MAPK4: variants seen among roughly 807,000 people sequenced by gnomAD.
MAPK4 encodes mitogen-activated protein kinase 4, also known as Erk3-related.
MAPK4 carries 22 observed loss-of-function variants against 47.7 expected under a neutral mutation model. The observed-to-expected ratio is 0.46, with a 90% CI of 0.33 to 0.66. The LOEUF (loss-of-function observed/expected upper bound fraction) is 0.66, where lower values mean the gene tolerates loss of function less well. MAPK4 is among the 30% of genes least tolerant of loss of function. The pLI is 0.02. For missense variants in MAPK4, 736 were observed against 831.7 expected (o/e 0.88, Z 1.42); for synonymous variants, 390 against 365.7 (o/e 1.07, Z -0.76).
intron 2 of MAPK4, among the ~76,000 whole-genome samples, chr18:50,675,746 T>C (rs1463634446): frequency 6.6e-6 from 1 of 152,146 alleles, no homozygotes; most frequent in East Asian, 1.9e-4. Flanking sequence ...CGCCTCAGCC[T>C]CCCAAAGTGC....
chr18:50,707,464 G>T (rs940363259), intron 2 of MAPK4, among the ~76,000 whole-genome samples: 17 of 151,748 alleles, frequency 1.1e-4, no homozygotes, highest in African/African-American at 3.1e-4. Context: ...CAGTCACTCT[G>T]GGGGGTTAAA....
At chr18:50,593,017 C>T (rs1259470158) in intron 1 of MAPK4, among the ~76,000 whole-genome samples, 4 of 152,120 alleles carry the variant, frequency 2.6e-5, no homozygotes, top group Non-Finnish European at 5.9e-5. Flanking sequence ...CTAATTTTAT[C>T]CCTATTTTAC....
chr18:50,723,064 GTAGCAGATA>G (rs1230480045), intron 4 of MAPK4, among the ~76,000 whole-genome samples: 1 of 152,238 alleles, frequency 6.6e-6, no homozygotes, highest in Non-Finnish European at 1.5e-5. Context: ...AGCTTGTACA[GTAGCAGATA>G]ACCCTGAAAT....
At chr18:50,667,521 A>T (rs1421250167) in intron 2 of MAPK4, among the ~76,000 whole-genome samples, 1 of 152,154 alleles carries the variant, frequency 6.6e-6, no homozygotes, top group Non-Finnish European at 1.5e-5. Flanking sequence ...TGCTTGGAGG[A>T]TGCTGTCTAC....
intron 1 of MAPK4, among the ~76,000 whole-genome samples, chr18:50,599,452 G>C (rs934979844): frequency 6.6e-6 from 1 of 151,950 alleles, no homozygotes; most frequent in African/African-American, 2.4e-5. Flanking sequence ...ACGGAGTCCC[G>C]CTGTCGCCCA....
rs570066474 is a variant in MAPK4 at position 50,671,585 on chromosome 18, G to A, written c.546+7081G>A. ...TTGCGTGGGAGCTCTGGTCAGCGGG[G>A]TTTACATGGGTTTAATCATGCTGAG... On this transcript the variant is annotated intron_variant, in intron 2 of 5. Coordinates refer to ENST00000400384, the MANE Select transcript of MAPK4 (RefSeq NM_002747.4). Among the ~76,000 whole-genome samples the A allele has an allele frequency of 2.0e-4, 31 of 152,240 alleles. No individual in the cohort carries two copies. In the South Asian group the frequency reaches 6.2e-3, roughly 31 times the overall value.
intron 1 of MAPK4, among the ~76,000 whole-genome samples, chr18:50,621,446 G>A (rs1022859691): frequency 2.6e-5 from 4 of 152,180 alleles, no homozygotes; most frequent in Admixed American, 2.6e-4. Context: ...AATGGGACAC[G>A]ATCCTAATGG....
chr18:50,654,905 C>T (rs141831114), intron 1 of MAPK4, among the ~76,000 whole-genome samples: 51 of 152,314 alleles, frequency 3.3e-4, no homozygotes, highest in African/African-American at 1.0e-3. Flanking sequence ...TGGCTGGTTA[C>T]GTAATTTTCA....
intron 1 of MAPK4, among the ~76,000 whole-genome samples, chr18:50,644,498 T>A (rs1451636893): frequency 1.3e-5 from 2 of 152,146 alleles, no homozygotes; most frequent in Non-Finnish European, 2.9e-5. Flanking sequence ...CCTTACCTTA[T>A]CCTTTACCCA....
At chr18:50,595,711 A>G (rs1379975990) in intron 1 of MAPK4, among the ~76,000 whole-genome samples, 1 of 152,240 alleles carries the variant, frequency 6.6e-6, no homozygotes, top group Admixed American at 6.5e-5. Flanking sequence ...AAATGGTAAC[A>G]TGTGAAATAG....
chr18:50,696,283 T>C (rs1339767922), intron 2 of MAPK4, among the ~76,000 whole-genome samples: 1 of 152,230 alleles, frequency 6.6e-6, no homozygotes, highest in African/African-American at 2.4e-5. Context: ...TGACCTTTGT[T>C]GGACTCCCTT....
chr18:50,703,559 G>A (rs1909899031), intron 2 of MAPK4, among the ~76,000 whole-genome samples: 1 of 152,194 alleles, frequency 6.6e-6, no homozygotes, highest in Non-Finnish European at 1.5e-5. Flanking sequence ...CTTGCTAACA[G>A]AAGACAGTGG....
At chr18:50,687,329 G>A (rs941975011) in intron 2 of MAPK4, among the ~76,000 whole-genome samples, 1 of 152,144 alleles carries the variant, frequency 6.6e-6, no homozygotes, top group African/African-American at 2.4e-5. Flanking sequence ...CTGGCCAATG[G>A]TAGGATATTT....
intron 3 of MAPK4, among the ~76,000 whole-genome samples, chr18:50,719,755 T>C (rs187996548): frequency 3.9e-5 from 6 of 152,336 alleles, no homozygotes; most frequent in Admixed American, 1.3e-4. Flanking sequence ...GGTGACTCAC[T>C]GAGAGCCCAG....
chr18:50,695,622 A>G (rs1052072439), intron 2 of MAPK4, among the ~76,000 whole-genome samples: 2 of 152,178 alleles, frequency 1.3e-5, no homozygotes, highest in African/African-American at 4.8e-5. Context: ...ACAAGACAGA[A>G]GGTGGCGGAT....
intron 5 of MAPK4, 104 bp downstream of exon 5, chr18:50,726,279 G>A (rs1027671972): frequency 1.6e-5 from 18 of 1,114,150 alleles, no homozygotes; most frequent in Non-Finnish European, 2.2e-5. Flanking sequence ...AAGTTGCATA[G>A]CTCATTGGAC....
chr18:50,725,175 G>A (rs970162163), intron 4 of MAPK4, among the ~76,000 whole-genome samples: 1 of 152,194 alleles, frequency 6.6e-6, no homozygotes, highest in Non-Finnish European at 1.5e-5. Flanking sequence ...ATCCAGACAT[G>A]AAAGGACTAC....
chr18:50,580,764 A>G (rs1005386411), intron 1 of MAPK4, among the ~76,000 whole-genome samples: 1 of 152,178 alleles, frequency 6.6e-6, no homozygotes, highest in African/African-American at 2.4e-5. Context: ...CATATTCTCT[A>G]ATAATGTCAA....
intron 1 of MAPK4, among the ~76,000 whole-genome samples, chr18:50,633,385 T>C (rs959500645): frequency 2.6e-5 from 4 of 152,200 alleles, no homozygotes; most frequent in Admixed American, 2.6e-4. Flanking sequence ...GCCTGGGCCC[T>C]GGCCTGTTGT....
Sources: allele counts gnomAD v4.1 joint callset (sites outside exome capture counted in the v4.1 genomes callset), GRCh38; gene constraint gnomAD v4.1.1; transcripts MANE v1.5; gene names NCBI Gene and HGNC (gene_info 2026-07-23, HGNC 2026-07-21).